LTV1: variants seen among roughly 807,000 people sequenced by gnomAD.
The protein encoded by LTV1 is LTV1 ribosome biogenesis factor.
A neutral mutation model predicts 59.9 loss-of-function variants in LTV1; 39 were observed. That is an observed-to-expected ratio of 0.65 (90% confidence interval 0.50 to 0.85). LTV1 has a LOEUF of 0.85. LTV1 is among the 40% of genes least tolerant of loss of function. The pLI, the probability that LTV1 is intolerant of heterozygous loss-of-function variation, is 0.00. For missense variants in LTV1, 493 were observed against 549.1 expected, an observed-to-expected ratio of 0.90 and a Z score of 1.02; for synonymous variants, 171 against 189.5, an observed-to-expected ratio of 0.90 and a Z score of 0.80.
rs3818089 is a variant in LTV1 at position 143,857,282 on chromosome 6, T to C, written c.398-21T>C. ...TGTTGCTATCTTGGGAATTACTGCT[T>C]AATTTTTGTTTTCCTTCTAGGACCT... On this transcript the variant is annotated intron_variant, in intron 4 of 10. Coordinates refer to ENST00000367576, the MANE Select transcript of LTV1 (RefSeq NM_032860.5). The surrounding 1 kb of genome is among the most constrained non-coding windows in gnomAD (Gnocchi z 5.2). 488,860 of 1,609,788 alleles carry C rather than the reference T, an allele frequency of 0.3. 81,482 individuals carry two copies. The highest frequency in any genetic ancestry group is 0.61 in the African/African-American group (45,406 of 74,786).
chr6:143,862,931 C>T lies in LTV1; in HGVS notation c.1116+35C>T. 2 of 1,517,426 alleles carry T rather than the reference C, an allele frequency of 1.3e-6. No individual in the cohort carries two copies. Among genetic ancestry groups the T allele is most frequent in the Non-Finnish European group, 1.8e-6 (2 of 1,092,506 alleles). 94.0% of individuals were successfully genotyped at this position (1,517,426 alleles called of 1,614,324 possible). ...AGTGTGCTGAGCTATTTGAAGGATG[C>T]AGTGCATAAAAAATAGAGTGCACAT... On this transcript the variant is annotated intron_variant, in intron 9 of 10. Coordinates refer to ENST00000367576, the MANE Select transcript of LTV1 (RefSeq NM_032860.5). The surrounding 1 kb of genome is among the most constrained non-coding windows in gnomAD (Gnocchi z 4.2).
chr6:143,843,599 G>T, intron 1 of LTV1, 119 bp downstream of exon 1: 3 of 1,339,892 alleles, frequency 2.2e-6, no homozygotes, highest in South Asian at 2.6e-5. Flanking sequence ...GGCTGCTTGC[G>T]GCACGGTACC....
In LTV1 at chr6:143,857,859, T is replaced by G; in HGVS notation, c.647T>G (p.Met216Arg). The G allele has an allele frequency of 1.2e-6, 2 of 1,614,138 alleles. No homozygotes were observed. The highest frequency in any genetic ancestry group is 1.7e-6 in the Non-Finnish European group (2 of 1,180,026). ...SAGLLSDEDC[M>R]SVPGKTHRAI... ...GGCCTATTGTCAGATGAAGACTGTA[T>G]GTCTGTGCCCGGAAAAACTCACAGA... The change falls in exon 6 of 11, where the codon ATG (methionine) becomes AGG (arginine). Residue 216 changes from methionine to arginine, a missense_variant. By Grantham distance (91) the Met-to-Arg change is moderately conservative. Coordinates refer to ENST00000367576, the MANE Select transcript of LTV1 (RefSeq NM_032860.5). This position sits in a 1 kb window ranked among gnomAD's most constrained non-coding sequence, Gnocchi z 5.2.
intron 2 of LTV1, among the ~76,000 whole-genome samples, 155 bp from the exon 3 acceptor site, chr6:143,845,896 C>T (rs1404820031): frequency 6.6e-6 from 1 of 152,178 alleles, no homozygotes; most frequent in Non-Finnish European, 1.5e-5. Flanking sequence ...AATTCTTTGT[C>T]TTTTTCCCAT....
chr6:143,852,844 G>T (rs1055315180), intron 4 of LTV1, among the ~76,000 whole-genome samples: 3 of 152,134 alleles, frequency 2.0e-5, no homozygotes, highest in African/African-American at 7.2e-5. Context: ...CCCATTGCTT[G>T]TTTTTGTTAG....
chr6:143,843,600 G>A, intron 1 of LTV1, 120 bp downstream of exon 1: 1 of 1,329,960 alleles, frequency 7.5e-7, no homozygotes, highest in Admixed American at 2.0e-5. Context: ...GCTGCTTGCG[G>A]CACGGTACCC....
chr6:143,844,445 G>A, intron 1 of LTV1, 41 bp from the exon 2 acceptor site: 3 of 1,603,916 alleles, frequency 1.9e-6, no homozygotes, highest in Non-Finnish European at 2.6e-6. Context: ...CCGTCTTTTT[G>A]TTCTGTTTTA....
chr6:143,857,831 G>C lies in LTV1; in HGVS notation c.619G>C (p.Ala207Pro). The C allele has an allele frequency of 1.9e-6, 3 of 1,614,128 alleles. No individual in the cohort carries two copies. Among genetic ancestry groups the C allele is most frequent in the Non-Finnish European group, 2.5e-6 (3 of 1,180,000 alleles). Residue 207 changes from alanine (A) to proline (P), a missense_variant, in exon 6 of 11, where the codon GCA becomes CCA. By Grantham distance (27) the Ala-to-Pro change is conservative (BLOSUM62 -1). Transcript: ENST00000367576. This position sits in a 1 kb window ranked among gnomAD's most constrained non-coding sequence, Gnocchi z 5.2. ...KGDSNDDYDS[A>P]GLLSDEDCMS... is the part of the protein sequence containing the mutation. ...AGATAGCAATGATGACTATGACTCT[G>C]CAGGCCTATTGTCAGATGAAGACTG... is the stretch of plus-strand genomic sequence containing the variant.
chr6:143,853,344 T>G (rs774337208), intron 4 of LTV1, among the ~76,000 whole-genome samples: 1 of 152,238 alleles, frequency 6.6e-6, no homozygotes, highest in Non-Finnish European at 1.5e-5. Context: ...CTGAAGTTGC[T>G]TATCAGCTTA....
Position 143,862,275 on chromosome 6 carries a change from A to C in LTV1, c.1063+32A>C, listed in dbSNP as rs371814975. ...ATATTCACTTTATGATAGTAATTTT[A>C]AAGTATTAAAGTATATCAACTTTAG... is the stretch of plus-strand genomic sequence containing the variant. On this transcript the variant is annotated intron_variant, in intron 8 of 10. Coordinates refer to ENST00000367576, the MANE Select transcript of LTV1 (RefSeq NM_032860.5). The surrounding 1 kb of genome is among the most constrained non-coding windows in gnomAD (Gnocchi z 4.2). 126 of 1,586,876 alleles carry C rather than the reference A, an allele frequency of 7.9e-5. 4 individuals are homozygous for C. In the South Asian group the frequency reaches 1.4e-3, roughly 17 times the overall value.
intron 3 of LTV1, among the ~76,000 whole-genome samples, chr6:143,849,140 A>G (rs750418261): frequency 1.3e-5 from 2 of 152,210 alleles, no homozygotes; most frequent in African/African-American, 4.8e-5. Context: ...GTTGTAGTAG[A>G]TATAGACTAG....
rs112395054 is a variant in LTV1 at position 143,857,397 on chromosome 6, T to C, written c.492T>C (p.Ile164=). 3.7e-5 allele frequency: 59 copies of C among 1,614,090 alleles called. 1 individual carries two copies. In the African/African-American group the frequency reaches 6.3e-4, roughly 17 times the overall value. The change falls in exon 5 of 11, where the codon ATT becomes ATC. Residue 164 remains isoleucine (I), a synonymous_variant. Coordinates refer to ENST00000367576, the MANE Select transcript of LTV1 (RefSeq NM_032860.5). The surrounding 1 kb of genome is among the most constrained non-coding windows in gnomAD (Gnocchi z 5.2). ...DPDNLLEDDF[I]LQANKATGEE... ...ATAATCTGCTTGAGGATGACTTTAT[T>C]CTTCAGGCCAATAAGGCAACAGGAG...
At chr6:143,851,091 G>T (rs952461888) in intron 4 of LTV1, among the ~76,000 whole-genome samples, 1 of 152,150 alleles carries the variant, frequency 6.6e-6, no homozygotes, top group Non-Finnish European at 1.5e-5. Flanking sequence ...GCAAGAGAAC[G>T]TGAATATAGG....
At position 143,856,473 on chromosome 6, in the gene LTV1, C is replaced by T. The variant is rs370019407; in HGVS notation, c.398-830C>T. Among the ~76,000 whole-genome samples the T allele has an allele frequency of 4.8e-4, 73 of 152,292 alleles. 2 individuals carry two copies. In the South Asian group the frequency reaches 0.012, roughly 25 times the overall value. On this transcript the variant is annotated intron_variant, in intron 4 of 10. Transcript: ENST00000367576. ...ACGCATTCTCCGTCCAGTTTTGTTC[C>T]CTTGCCGGCGAGGAGTTGTGATCCT...
chr6:143,858,038 A>G, intron 6 of LTV1, 31 bp downstream of exon 6: 1 of 1,604,254 alleles, frequency 6.2e-7, no homozygotes, highest in Non-Finnish European at 8.5e-7. Flanking sequence ...ATGCTTTAGT[A>G]CTATCTTATG....
chr6:143,863,286 G>A lies in LTV1; in HGVS notation c.1317G>A (p.Lys439=), dbSNP rs1199884581. The change falls in exon 10 of 11, where the codon AAG becomes AAA. Residue 439 remains lysine (K), a splice_region_variant and synonymous_variant. Transcript: ENST00000367576. This position sits in a 1 kb window ranked among gnomAD's most constrained non-coding sequence, Gnocchi z 4.5. ...ARKQAIKEER[K]ERRVEKKANK... is the part of the protein sequence containing the mutation. Reference sequence around the variant, plus strand: ...AGCAAGCTATAAAAGAAGAGCGCAAGGTAAAATATATTTTTCAAATGTGAG... The same window carrying A: ...AGCAAGCTATAAAAGAAGAGCGCAAAGTAAAATATATTTTTCAAATGTGAG... 3 of 1,611,476 alleles carry A rather than the reference G, an allele frequency of 1.9e-6. No homozygotes were observed. Among genetic ancestry groups the A allele is most frequent in the African/African-American group, 2.7e-5 (2 of 74,666 alleles).
chr6:143,860,660 T>A, intron 7 of LTV1, 107 bp downstream of exon 7: 2 of 857,566 alleles, frequency 2.3e-6, no homozygotes, highest in Non-Finnish European at 1.7e-6. Context: ...ATTAACCTAG[T>A]CAAAATACAT....
At chr6:143,860,741 A>G (rs570452362) in intron 7 of LTV1, among the ~76,000 whole-genome samples, 188 bp downstream of exon 7, 1 of 152,228 alleles carries the variant, frequency 6.6e-6, no homozygotes, top group African/African-American at 2.4e-5. Flanking sequence ...AAAGTGGTAC[A>G]TTTTCCATAA....
In LTV1 at chr6:143,857,148, C is replaced by G. The variant is rs192646781; in HGVS notation, c.398-155C>G. The stretch of plus-strand genomic sequence containing the variant: ...CTTTTTTTGTCTTGGAGTGTTCATT[C>G]TTTATTCTTCACTAGACTGAACTTA... On this transcript the variant is annotated intron_variant, in intron 4 of 10. Transcript: ENST00000367576. The surrounding 1 kb of genome is among the most constrained non-coding windows in gnomAD (Gnocchi z 5.2). Among the ~76,000 whole-genome samples the G allele has an allele frequency of 7.7e-4, 118 of 152,262 alleles. No homozygotes were observed. Among genetic ancestry groups the G allele is most frequent in the African/African-American group, 2.7e-3 (111 of 41,560 alleles).
Sources: gnomAD v4.1 joint callset for allele counts (sites outside exome capture counted in the v4.1 genomes callset) on GRCh38, gnomAD v4.1.1 for gene constraint, Gnocchi (gnomAD v3.1) non-coding constraint, MANE v1.5 for transcripts, NCBI Gene and HGNC (gene_info 2026-07-23, HGNC 2026-07-21) for gene names.